FAP: variants seen among roughly 807,000 people sequenced by gnomAD.
The protein encoded by FAP is fibroblast activation protein alpha, also known as prolyl endopeptidase FAP.
Under a neutral mutation model 126.5 loss-of-function variants are expected in FAP, and 110 were observed. The observed-to-expected ratio is 0.87, with a 90% confidence interval of 0.74 to 1.02. FAP has a LOEUF of 1.02. Ranked by LOEUF, FAP falls within the 50% of genes least tolerant of loss-of-function variation. FAP has a pLI of 0.00. For missense variants in FAP, 919 were observed against 909.2 expected (o/e 1.01, Z -0.14); for synonymous variants, 334 against 297.3 (o/e 1.12, Z -1.27).
intron 12 of FAP, 57 bp from the exon 13 acceptor site, chr2:162,203,202 T>C (rs1486622280): frequency 4.9e-6 from 6 of 1,226,722 alleles, no homozygotes; most frequent in African/African-American, 1.5e-5. Context: ...AAACCATAGA[T>C]TTTGTTTTAA....
chr2:162,192,491 A>T (rs1688084590), intron 17 of FAP, among the ~76,000 whole-genome samples: 1 of 151,780 alleles, frequency 6.6e-6, no homozygotes, highest in Admixed American at 6.6e-5. Flanking sequence ...TCAAGTGTTG[A>T]TGTTCCACAC....
intron 11 of FAP, among the ~76,000 whole-genome samples, chr2:162,210,858 GA>G (rs769954929): frequency 2.6e-5 from 4 of 152,156 alleles, no homozygotes; most frequent in Non-Finnish European, 4.4e-5. Flanking sequence ...ATAGAACAGA[GA>G]AAATGAAGCC....
In FAP at chr2:162,170,936, T is replaced by C. The variant is rs1026453647; in HGVS notation, c.*43A>G. 3.4e-6 allele frequency: 5 copies of C among 1,459,740 alleles called. No homozygotes were observed. Among genetic ancestry groups the C allele is most frequent in the Non-Finnish European group, 9.6e-7 (1 of 1,041,458 alleles). The allele number at this position is 1,459,740 out of a possible 1,614,324, so 90.4% of individuals were successfully genotyped here. A position where few individuals can be genotyped will look rare whatever the true frequency, so the allele number is the denominator to read the frequency against. Reference sequence around the variant, plus strand: ...AAGCAAACTGTCTGAGGGGTTTATATAAGGTTTTCAGATTCTGATACAGGC... The same window carrying C: ...AAGCAAACTGTCTGAGGGGTTTATACAAGGTTTTCAGATTCTGATACAGGC... On this transcript the variant is annotated 3_prime_UTR_variant, in exon 26 of 26. Transcript: ENST00000188790.
intron 9 of FAP, 38 bp downstream of exon 9, chr2:162,217,948 C>G: frequency 2.0e-6 from 3 of 1,476,856 alleles, no homozygotes; most frequent in Non-Finnish European, 2.7e-6. Context: ...ATTTTGATAC[C>G]AGGAAAATGA....
chr2:162,194,784 G>A lies in FAP; in HGVS notation c.1403-36C>T, dbSNP rs756734485. On this transcript the variant is annotated intron_variant, in intron 16 of 25. Coordinates refer to ENST00000188790, the MANE Select transcript of FAP (RefSeq NM_004460.5). ...GATGAAAACAAAATCATGGCTTAGT[G>A]TTAAAATAACAATTCCTTTTCAAGA... 47 of 1,597,888 alleles carry A rather than the reference G, an allele frequency of 2.9e-5. No individual in the cohort carries two copies. The South Asian group carries it at 4.0e-4, about 13-fold the overall frequency.
chr2:162,229,899 A>G (rs1479977629), intron 2 of FAP, among the ~76,000 whole-genome samples: 1 of 152,210 alleles, frequency 6.6e-6, no homozygotes, highest in Middle Eastern at 3.2e-3. Flanking sequence ...TACTAATTGT[A>G]CTACTAATTG....
intron 19 of FAP, among the ~76,000 whole-genome samples, chr2:162,188,827 T>C (rs1010690759): frequency 6.6e-6 from 1 of 152,072 alleles, no homozygotes. Context: ...TGGCTGCAAT[T>C]TCTCTATCTC....
At chr2:162,179,224 G>A (rs958914497) in intron 21 of FAP, among the ~76,000 whole-genome samples, 1 of 145,534 alleles carries the variant, frequency 6.9e-6, no homozygotes, top group Non-Finnish European at 1.5e-5. Flanking sequence ...TGGTAATACT[G>A]TGTTAAACAA....
intron 2 of FAP, among the ~76,000 whole-genome samples, chr2:162,233,266 T>A (rs1360441555): frequency 6.6e-6 from 1 of 152,124 alleles, no homozygotes. Context: ...AGTTTCTCAA[T>A]ACAAACATTT....
At chr2:162,222,080 T>C (rs1311643085) in intron 6 of FAP, among the ~76,000 whole-genome samples, 1 of 152,176 alleles carries the variant, frequency 6.6e-6, no homozygotes, top group Non-Finnish European at 1.5e-5. Flanking sequence ...TTTTAGGCCA[T>C]AAAGTTTACA....
chr2:162,225,064 A>G (rs1225117280), intron 4 of FAP, among the ~76,000 whole-genome samples: 1 of 152,128 alleles, frequency 6.6e-6, no homozygotes, highest in African/African-American at 2.4e-5. Flanking sequence ...GCACTTGCAA[A>G]TGTTATTTCA....
At chr2:162,219,520 A>C (rs552134803) in intron 7 of FAP, among the ~76,000 whole-genome samples, 13 of 152,158 alleles carry the variant, frequency 8.5e-5, no homozygotes, top group Admixed American at 8.5e-4. Context: ...GTCCTTAAAT[A>C]AGAGCTTGGA....
In FAP at chr2:162,225,536, G is replaced by T. The variant is rs139492630; in HGVS notation, c.232C>A (p.Leu78Ile). The change falls in exon 4 of 26, where the codon CTT becomes ATT. Residue 78 changes from leucine to isoleucine, a missense_variant. Leu to Ile is a conservative substitution (Grantham distance 5, BLOSUM62 2). Transcript: ENST00000188790. The stretch of plus-strand genomic sequence containing the variant: ...GATTGTCCTGTTTCAATATTATAAA[G>T]TACTATATTGTTATCTGCAGATTGA... ...LHQSADNNIVLYNIETGQSYT... is the reference protein window; with the variant it reads ...LHQSADNNIVIYNIETGQSYT... 1.2e-4 allele frequency: 188 copies of T among 1,599,202 alleles called. 2 individuals are homozygous for T. In the African/African-American group the frequency reaches 2.1e-3, roughly 18 times the overall value.
intron 11 of FAP, among the ~76,000 whole-genome samples, chr2:162,212,675 T>C (rs1020500860): frequency 6.6e-6 from 1 of 152,178 alleles, no homozygotes; most frequent in Non-Finnish European, 1.5e-5. Flanking sequence ...ATTTACTTTG[T>C]TTGTTCTGTG....
chr2:162,241,152 A>G (rs1360787383), intron 2 of FAP, among the ~76,000 whole-genome samples: 2 of 152,184 alleles, frequency 1.3e-5, no homozygotes, highest in Non-Finnish European at 2.9e-5. Flanking sequence ...TGATTTTTCT[A>G]TTTCTGAATG....
At chr2:162,189,605 A>C (rs1307924889) in intron 18 of FAP, 51 bp downstream of exon 18, 2 of 1,017,940 alleles carry the variant, frequency 2.0e-6, no homozygotes, top group Non-Finnish European at 3.0e-6. Flanking sequence ...TAAAAGCAAG[A>C]AAATTGCTCA....
At chr2:162,181,200 C>T (rs1023224249) in intron 21 of FAP, among the ~76,000 whole-genome samples, 2 of 151,822 alleles carry the variant, frequency 1.3e-5, no homozygotes, top group Non-Finnish European at 2.9e-5. Context: ...TCGCTTGAAC[C>T]TGGGAGGCAG....
intron 24 of FAP, 101 bp downstream of exon 24, chr2:162,173,048 T>C (rs1473437657): frequency 3.3e-6 from 4 of 1,200,534 alleles, no homozygotes; most frequent in African/African-American, 3.0e-5. Flanking sequence ...GACTCTTAGG[T>C]ACTGACCCTG....
intron 6 of FAP, among the ~76,000 whole-genome samples, chr2:162,222,334 A>G (rs1487716475): frequency 2.6e-5 from 4 of 152,178 alleles, no homozygotes; most frequent in Non-Finnish European, 5.9e-5. Flanking sequence ...GGCTCAATAA[A>G]TATTTCTTAA....
Sources: gnomAD v4.1 joint callset for allele counts (sites outside exome capture counted in the v4.1 genomes callset) on GRCh38, gnomAD v4.1.1 for gene constraint, MANE v1.5 for transcripts, NCBI Gene and HGNC (gene_info 2026-07-23, HGNC 2026-07-21) for gene names.